The following FAM53A variants were observed in gnomAD, a reference collection of about 807,000 sequenced individuals.
The protein encoded by FAM53A is protein FAM53A.
Under a neutral mutation model 26.6 loss-of-function variants are expected in FAM53A, and 28 were observed. The ratio of observed to expected loss-of-function variants is 1.05; its 90% CI spans 0.78 to 1.45. The LOEUF is 1.45. Among genes scored for constraint, FAM53A ranks in the 40% most tolerant of loss-of-function variants. The pLI, the probability that FAM53A is intolerant of heterozygous loss-of-function variation, is 0.00. For missense variants in FAM53A, 650 were observed against 575.8 expected (o/e 1.13, Z -1.32); for synonymous variants, 290 against 253.1 (o/e 1.15, Z -1.38).
downstream of FAM53A, among the ~76,000 whole-genome samples, chr4:1,637,689 G>A (rs958791066): frequency 3.9e-5 from 6 of 152,084 alleles, no homozygotes; most frequent in African/African-American, 7.2e-5. Context: ...TGGGGGCTAG[G>A]GGCAGGGAGG....
intron 3 of FAM53A, among the ~76,000 whole-genome samples, chr4:1,656,065 CCTCT>C (rs973867026): frequency 6.6e-6 from 1 of 152,232 alleles, no homozygotes; most frequent in Non-Finnish European, 1.5e-5. Flanking sequence ...TGCCCCTCTC[CCTCT>C]GTGACCAGGC....
chr4:1,584,553 G>A, the FAM53A span, among the ~76,000 whole-genome samples: 1 of 152,242 alleles, frequency 6.6e-6, no homozygotes, highest in Admixed American at 6.5e-5. Flanking sequence ...TCTTATTTGG[G>A]AAGAGAGAAA....
rs1185303344 is a variant in FAM53A, at chr4:1,659,639, G to A, written c.76-2171C>T. Among the ~76,000 whole-genome samples the A allele has an allele frequency of 6.6e-6, 1 of 152,180 alleles. No homozygotes were observed. Among genetic ancestry groups the A allele is most frequent in the African/African-American group, 2.4e-5 (1 of 41,438 alleles). Reference sequence around the variant, plus strand: ...CAGAGCCAGGGTCCCCGGGAGACAGGAAAGGCTGGGCAGCCAGGTCCCACA... The same window carrying A: ...CAGAGCCAGGGTCCCCGGGAGACAGAAAAGGCTGGGCAGCCAGGTCCCACA... On this transcript the variant is annotated intron_variant, in intron 2 of 4. Coordinates refer to ENST00000308132, the MANE Select transcript of FAM53A (RefSeq NM_001174070.3). The surrounding 1 kb of genome is among the most constrained non-coding windows in gnomAD (Gnocchi z 5.2).
At chr4:1,646,105 CTT>C (rs776533410) in intron 4 of FAM53A, among the ~76,000 whole-genome samples, 12 of 145,628 alleles carry the variant, frequency 8.2e-5, no homozygotes, top group East Asian at 2.0e-4. Context: ...CTCCAGAACT[CTT>C]TTTTTTTTTT....
chr4:1,650,865 A>G, intron 4 of FAM53A, among the ~76,000 whole-genome samples: 1 of 151,882 alleles, frequency 6.6e-6, no homozygotes, highest in East Asian at 1.9e-4. Flanking sequence ...TGTCCCAAGA[A>G]GAGGACTAGG....
At chr4:1,576,688 G>C in the FAM53A span, among the ~76,000 whole-genome samples, 1 of 152,242 alleles carries the variant, frequency 6.6e-6, no homozygotes, top group South Asian at 2.1e-4. Flanking sequence ...GGGCAGGCCG[G>C]GGACGCCGCA....
chr4:1,592,402 C>A, the FAM53A span, among the ~76,000 whole-genome samples: 1 of 152,232 alleles, frequency 6.6e-6, no homozygotes, highest in Non-Finnish European at 1.5e-5. Flanking sequence ...ACACAGATTA[C>A]CCCCAAAGTC....
intron 1 of FAM53A, 130 bp from the exon 2 acceptor site, chr4:1,669,035 T>A (rs1714447455): frequency 2.9e-6 from 1 of 346,780 alleles, no homozygotes; most frequent in Non-Finnish European, 5.2e-6. Flanking sequence ...CCCTCCCATT[T>A]TCAAAACTAC....
downstream of FAM53A, among the ~76,000 whole-genome samples, chr4:1,635,030 GT>G (rs1170832956): frequency 6.6e-6 from 1 of 152,210 alleles, no homozygotes; most frequent in East Asian, 1.9e-4. Context: ...CCTTGAGTCA[GT>G]TTTTAGCAAT....
intron 1 of FAM53A, among the ~76,000 whole-genome samples, chr4:1,682,654 T>C (rs377073181): frequency 1.3e-5 from 2 of 152,176 alleles, no homozygotes; most frequent in East Asian, 1.9e-4. Flanking sequence ...CAGCTAAAAA[T>C]GTGTACTCTC....
intron 1 of FAM53A, among the ~76,000 whole-genome samples, chr4:1,632,406 C>T (rs1048796991): frequency 4.6e-5 from 7 of 152,074 alleles, no homozygotes; most frequent in African/African-American, 9.7e-5. Flanking sequence ...GCTTCCATCT[C>T]GGACTTCCAG....
chr4:1,607,392 G>A, the FAM53A span, among the ~76,000 whole-genome samples: 1 of 151,620 alleles, frequency 6.6e-6, no homozygotes, highest in Non-Finnish European at 1.5e-5. Context: ...TATTATTATG[G>A]AAACGTGCGT....
At chr4:1,589,601 T>C in the FAM53A span, among the ~76,000 whole-genome samples, 1 of 152,196 alleles carries the variant, frequency 6.6e-6, no homozygotes, top group Non-Finnish European at 1.5e-5. Flanking sequence ...CAATTTTCAA[T>C]AGCTAATGGA....
chr4:1,588,364 G>A, the FAM53A span, among the ~76,000 whole-genome samples: 38 of 152,300 alleles, frequency 2.5e-4, no homozygotes, highest in Admixed American at 8.5e-4. Context: ...AATTCCACTC[G>A]CTTTGAGTGT....
chr4:1,603,455 C>T, the FAM53A span, among the ~76,000 whole-genome samples: 5 of 152,154 alleles, frequency 3.3e-5, no homozygotes, highest in African/African-American at 7.2e-5. Context: ...CAGGAGAGGA[C>T]ACCCTGCTGA....
downstream of FAM53A, chr4:1,617,841 C>T: frequency 8.3e-6 from 3 of 360,568 alleles, no homozygotes; most frequent in Admixed American, 3.6e-5. Context: ...AGCCTCAGGC[C>T]TGAGGGTGCC....
At chr4:1,592,417 A>C in the FAM53A span, among the ~76,000 whole-genome samples, 2 of 152,170 alleles carry the variant, frequency 1.3e-5, no homozygotes, top group Non-Finnish European at 2.9e-5. Context: ...AAAGTCCCGG[A>C]GGGGCAGGGC....
chr4:1,655,340 C>T lies in FAM53A; in HGVS notation c.520G>A (p.Val174Met). Residue 174 changes from valine to methionine, a missense_variant, in exon 4 of 5, where the codon GTG becomes ATG. Physicochemically the swap from Val to Met is conservative, Grantham distance 21. Transcript: ENST00000308132. ...SPGAVLPRSAVWSTGPTSPAT... is the reference protein window; with the variant it reads ...SPGAVLPRSAMWSTGPTSPAT... ...GGCGAGGTGGGACCGGTCGACCACA[C>T]AGCACTCCTCGGCAGGACGGCGCCG... 7.0e-7 allele frequency: 1 copy of T among 1,434,108 alleles called. No individual in the cohort carries two copies. The highest frequency in any genetic ancestry group is 9.1e-7 in the Non-Finnish European group (1 of 1,097,752). 88.8% of individuals were successfully genotyped at this position (1,434,108 alleles called of 1,614,324 possible).
rs766536708 is a variant in FAM53A, at chr4:1,640,249, G to A, written c.*1044C>T. ...CACTGCCACCGGTGGAAAACCAGGC[G>A]GCCACAAGCTGGCGGTTCACTGGCA... On this transcript the variant is annotated 3_prime_UTR_variant, in exon 5 of 5. Transcript: ENST00000308132. 41 of 173,198 alleles carry A rather than the reference G, an allele frequency of 2.4e-4. No homozygotes were observed. Among genetic ancestry groups the A allele is most frequent in the Non-Finnish European group, 2.3e-4 (19 of 83,568 alleles). The allele number at this position is 173,198 out of a possible 1,614,324, so 10.7% of individuals were successfully genotyped here.
Sources: gnomAD v4.1 joint callset for allele counts (sites outside exome capture counted in the v4.1 genomes callset) on GRCh38, gnomAD v4.1.1 for gene constraint, Gnocchi (gnomAD v3.1) non-coding constraint, MANE v1.5 for transcripts, NCBI Gene and HGNC (gene_info 2026-07-23, HGNC 2026-07-21) for gene names.